The following BCAR3 variants were observed in gnomAD, a reference collection of about 807,000 sequenced individuals.
The protein encoded by BCAR3 is breast cancer anti-estrogen resistance protein 3.
In BCAR3, 37 loss-of-function variants were observed where a neutral mutation model predicts 80.1. That is an observed-to-expected ratio of 0.46 (90% CI 0.36 to 0.61). BCAR3 has a LOEUF of 0.61. Among genes scored for constraint, BCAR3 ranks in the 20% least tolerant of loss-of-function variants. The pLI, the probability that BCAR3 is intolerant of heterozygous loss-of-function variation, is 0.00. For synonymous variants in BCAR3, 389 were observed against 418.9 expected (o/e 0.93, Z 0.87); for missense variants, 978 against 1,068.2 (o/e 0.92, Z 1.18).
At chr1:93,768,786 C>A (rs985023138) in intron 2 of BCAR3, among the ~76,000 whole-genome samples, 11 of 152,164 alleles carry the variant, frequency 7.2e-5, no homozygotes, top group African/African-American at 2.4e-4. Context: ...AGGTATCTGG[C>A]AGCCTGTAAA....
intron 5 of BCAR3, among the ~76,000 whole-genome samples, chr1:93,587,116 G>C (rs1229342484): frequency 6.6e-6 from 1 of 152,172 alleles, no homozygotes. Flanking sequence ...TTTCTCAAAA[G>C]AGCAAATCTT....
rs552572163 is a variant in BCAR3 at position 93,830,262 on chromosome 1, A to C, written c.-63+15305T>G. Among the ~76,000 whole-genome samples, 3 of 152,252 alleles carry C rather than the reference A, an allele frequency of 2.0e-5. No individual in the cohort carries two copies. The East Asian group carries it at 5.8e-4, about 29-fold the overall frequency. ...TGGATCACAAGGTCAGGAGTTCGAG[A>C]CCAACCTGGCCAACATGGTGAAACC... On this transcript the variant is annotated intron_variant, in intron 2 of 13. Transcript: ENST00000370244.
chr1:93,728,096 C>G (rs1292056608), intron 2 of BCAR3, among the ~76,000 whole-genome samples: 1 of 152,252 alleles, frequency 6.6e-6, no homozygotes, highest in Non-Finnish European at 1.5e-5. Context: ...TGTATCCCCA[C>G]TGACACTTTG....
chr1:93,630,306 T>C (rs1675575347), intron 3 of BCAR3, among the ~76,000 whole-genome samples: 1 of 152,078 alleles, frequency 6.6e-6, no homozygotes, highest in African/African-American at 2.4e-5. Flanking sequence ...ACTCACATGC[T>C]AGTGAGAAGT....
At chr1:93,573,623 TATTATTA>T (rs1673320794) in intron 8 of BCAR3, among the ~76,000 whole-genome samples, 1 of 142,196 alleles carries the variant, frequency 7.0e-6, no homozygotes, top group Non-Finnish European at 1.5e-5. Context: ...TTATTATTAT[TATTATTA>T]TTATTTTTTT....
At chr1:93,591,436 T>C (rs1018724841) in intron 4 of BCAR3, among the ~76,000 whole-genome samples, 2 of 151,976 alleles carry the variant, frequency 1.3e-5, no homozygotes, top group East Asian at 1.9e-4. Context: ...GATTGTGCTA[T>C]TGCACTCCAG....
intron 2 of BCAR3, among the ~76,000 whole-genome samples, chr1:93,777,429 C>T (rs12725117): frequency 7.2e-5 from 9 of 125,104 alleles, no homozygotes; most frequent in Non-Finnish European, 1.2e-4. Flanking sequence ...CCTCCTCTTC[C>T]TCCTCCTCCT....
chr1:93,770,777 G>C (rs1035575572), intron 2 of BCAR3, among the ~76,000 whole-genome samples: 4 of 152,126 alleles, frequency 2.6e-5, no homozygotes, highest in African/African-American at 9.7e-5. Context: ...GTACCCACCA[G>C]TTTTCTAGAG....
chr1:93,844,668 C>A (rs578069450), intron 2 of BCAR3, among the ~76,000 whole-genome samples: 1 of 152,132 alleles, frequency 6.6e-6, no homozygotes, highest in East Asian at 1.9e-4. Context: ...CAGAGAACCA[C>A]CACACACCTG....
intron 2 of BCAR3, among the ~76,000 whole-genome samples, chr1:93,669,042 A>T (rs972816518): frequency 6.6e-6 from 1 of 152,032 alleles, no homozygotes; most frequent in African/African-American, 2.4e-5. Context: ...TCAAAATCCA[A>T]TTTTTTTCTC....
intron 2 of BCAR3, among the ~76,000 whole-genome samples, chr1:93,764,163 C>T (rs965337167): frequency 6.6e-6 from 1 of 152,016 alleles, no homozygotes; most frequent in Non-Finnish European, 1.5e-5. Flanking sequence ...TGACTCATCA[C>T]AGCCCCTGCC....
intron 3 of BCAR3, 61 bp downstream of exon 3, chr1:93,642,243 G>A: frequency 6.5e-7 from 1 of 1,550,178 alleles, no homozygotes; most frequent in Non-Finnish European, 8.9e-7. Flanking sequence ...GCAACTCTGT[G>A]TTCCAAATGG....
chr1:93,563,485 G>A (rs530320458), intron 11 of BCAR3, among the ~76,000 whole-genome samples: 1 of 152,258 alleles, frequency 6.6e-6, no homozygotes, highest in Admixed American at 6.5e-5. Flanking sequence ...TGAGTAAGTG[G>A]TTGTGAACAC....
At chr1:93,653,916 G>A (rs1207526131) in intron 2 of BCAR3, among the ~76,000 whole-genome samples, 3 of 152,136 alleles carry the variant, frequency 2.0e-5, no homozygotes, top group Non-Finnish European at 2.9e-5. Flanking sequence ...CCACCTGAGC[G>A]CAGGCCACCA....
At position 93,562,339 on chromosome 1, in the gene BCAR3, G is replaced by C; in HGVS notation, c.2380C>G (p.Gln794Glu). The C allele has an allele frequency of 1.9e-6, 3 of 1,614,146 alleles. No individual in the cohort carries two copies. The highest frequency in any genetic ancestry group is 2.5e-6 in the Non-Finnish European group (3 of 1,180,018). Residue 794 changes from glutamine (Q) to glutamate (E), a missense_variant, in exon 12 of 12, where the codon CAA becomes GAA. Coordinates refer to ENST00000260502, the MANE Select transcript of BCAR3 (RefSeq NM_003567.4). The part of the protein sequence containing the change: ...MRLLWGSKGA[Q>E]VNQTERYEKF... ...TCATATCTCTCTGTCTGATTGACTTGTGCACCTTTGCTGCCCCATAGCAAT... is the reference window on the plus strand; with the variant it reads ...TCATATCTCTCTGTCTGATTGACTTCTGCACCTTTGCTGCCCCATAGCAAT...
chr1:93,640,875 GC>G (rs1422693701), intron 3 of BCAR3, among the ~76,000 whole-genome samples: 1 of 152,248 alleles, frequency 6.6e-6, no homozygotes. Context: ...GTAGGAGATA[GC>G]CAATTTCTGA....
chr1:93,690,074 A>T (rs1486558369), intron 3 of BCAR3, among the ~76,000 whole-genome samples: 1 of 152,248 alleles, frequency 6.6e-6, no homozygotes, highest in Non-Finnish European at 1.5e-5. Flanking sequence ...TCTGCAGCTG[A>T]TAAGAATGAG....
chr1:93,771,279 C>G (rs56339503), intron 2 of BCAR3, among the ~76,000 whole-genome samples: 4 of 152,050 alleles, frequency 2.6e-5, no homozygotes, highest in South Asian at 2.1e-4. Flanking sequence ...AGAGCCCATA[C>G]CCACAGCCAC....
At chr1:93,757,946 G>A (rs1018397774) in intron 2 of BCAR3, among the ~76,000 whole-genome samples, 3 of 152,310 alleles carry the variant, frequency 2.0e-5, no homozygotes, top group Non-Finnish European at 4.4e-5. Flanking sequence ...GTGCAAAATC[G>A]TACTAGAGGC....
Sources: allele counts gnomAD v4.1 joint callset (sites outside exome capture counted in the v4.1 genomes callset), GRCh38; gene constraint gnomAD v4.1.1; transcripts MANE v1.5; gene names NCBI Gene and HGNC (gene_info 2026-07-23, HGNC 2026-07-21).